The following GRM7 variants were observed in gnomAD, a reference collection of about 807,000 sequenced individuals.
GRM7 encodes glutamate metabotropic receptor 7.
GRM7 carries 35 observed loss-of-function variants against 84.5 expected under a neutral mutation model. The observed-to-expected ratio is 0.41, with a 90% CI of 0.32 to 0.55. The LOEUF is 0.55. Ranked by LOEUF, GRM7 falls within the 20% of genes least tolerant of loss-of-function variation. GRM7 has a pLI of 0.19. For synonymous variants in GRM7, 487 were observed against 455.1 expected (o/e 1.07, Z -0.89); for missense variants, 1,003 against 1,194.6 (o/e 0.84, Z 2.36).
chr3:6,883,199 T>C (rs1695575351), intron 1 of GRM7, among the ~76,000 whole-genome samples: 1 of 152,212 alleles, frequency 6.6e-6, no homozygotes, highest in African/African-American at 2.4e-5. Flanking sequence ...ATTGACTGTT[T>C]GTATTTCTTC....
At chr3:7,333,358 CT>C (rs1701283425) in intron 4 of GRM7, among the ~76,000 whole-genome samples, 1 of 152,184 alleles carries the variant, frequency 6.6e-6, no homozygotes, top group African/African-American at 2.4e-5. Context: ...GGTAGCCCCA[CT>C]GTAGGGCTAG....
intron 4 of GRM7, among the ~76,000 whole-genome samples, chr3:7,347,053 C>A (rs1431316313): frequency 1.3e-5 from 2 of 152,010 alleles, no homozygotes; most frequent in Non-Finnish European, 1.5e-5. Context: ...GAACATCCAC[C>A]AGGAAAAAAA....
chr3:7,738,734 TTTTTC>T (rs75859785), intron 9 of GRM7, among the ~76,000 whole-genome samples: 1 of 140,972 alleles, frequency 7.1e-6, no homozygotes, highest in Non-Finnish European at 1.5e-5. Context: ...TTTTTTTTTT[TTTTTC>T]CCCTTCTTTT....
At chr3:7,649,170 C>T (rs572121033) in intron 8 of GRM7, among the ~76,000 whole-genome samples, 21 of 151,942 alleles carry the variant, frequency 1.4e-4, no homozygotes, top group East Asian at 7.8e-4. Flanking sequence ...CCCGGGTTCA[C>T]GCCATTCTCC....
At chr3:7,142,650 C>CCCATATGA (rs1304330051) in intron 1 of GRM7, among the ~76,000 whole-genome samples, 1 of 151,990 alleles carries the variant, frequency 6.6e-6, no homozygotes, top group Non-Finnish European at 1.5e-5. Flanking sequence ...GATACAAAGC[C>CCCATATGA]TAACCATATC....
intron 7 of GRM7, among the ~76,000 whole-genome samples, chr3:7,554,353 C>A (rs531400850): frequency 6.6e-6 from 1 of 152,248 alleles, no homozygotes; most frequent in African/African-American, 2.4e-5. Flanking sequence ...AATCATGTAA[C>A]AAATATCGCT....
chr3:7,201,885 T>C (rs1475426063), intron 2 of GRM7, among the ~76,000 whole-genome samples: 2 of 152,228 alleles, frequency 1.3e-5, no homozygotes, highest in Admixed American at 6.5e-5. Flanking sequence ...GAGTGCCCTC[T>C]TTATATAATG....
intron 4 of GRM7, among the ~76,000 whole-genome samples, chr3:7,396,370 C>T (rs962281155): frequency 6.6e-6 from 1 of 152,078 alleles, no homozygotes; most frequent in Non-Finnish European, 1.5e-5. Context: ...AACTCCCTTC[C>T]TATTTTATTT....
At chr3:7,696,266 T>C (rs143749543) in intron 9 of GRM7, among the ~76,000 whole-genome samples, 13 of 152,292 alleles carry the variant, frequency 8.5e-5, no homozygotes, top group South Asian at 4.1e-4. Flanking sequence ...CTAACAAAAA[T>C]AGTTTGCCAG....
At chr3:7,116,219 C>T (rs1252124298) in intron 1 of GRM7, among the ~76,000 whole-genome samples, 2 of 152,022 alleles carry the variant, frequency 1.3e-5, no homozygotes, top group African/African-American at 4.8e-5. Context: ...GCTTAGTGAC[C>T]ACAGAAACAA....
At chr3:7,425,400 G>C (rs1035871663) in intron 5 of GRM7, among the ~76,000 whole-genome samples, 1 of 152,168 alleles carries the variant, frequency 6.6e-6, no homozygotes, top group Non-Finnish European at 1.5e-5. Flanking sequence ...TTACACAAGA[G>C]GGAATTGTAG....
At chr3:7,189,551 A>C (rs1695637287) in intron 2 of GRM7, among the ~76,000 whole-genome samples, 1 of 152,140 alleles carries the variant, frequency 6.6e-6, no homozygotes, top group South Asian at 2.1e-4. Context: ...ATGCTCTTAA[A>C]ATATTCTGAG....
chr3:7,470,161 C>T (rs905395733), intron 7 of GRM7, among the ~76,000 whole-genome samples: 2 of 152,166 alleles, frequency 1.3e-5, no homozygotes, highest in Non-Finnish European at 2.9e-5. Flanking sequence ...TTATTTCATT[C>T]ACCTAATCTA....
chr3:7,196,118 T>C (rs1418120285), intron 2 of GRM7, among the ~76,000 whole-genome samples: 1 of 152,052 alleles, frequency 6.6e-6, no homozygotes, highest in Non-Finnish European at 1.5e-5. Flanking sequence ...AGTTCAAACC[T>C]GCTGAGTGGG....
intron 1 of GRM7, among the ~76,000 whole-genome samples, chr3:7,110,130 A>G (rs1322253733): frequency 2.6e-5 from 4 of 152,072 alleles, no homozygotes; most frequent in Admixed American, 2.6e-4. Context: ...ACTTCAATCT[A>G]CCTACTATGG....
intron 2 of GRM7, among the ~76,000 whole-genome samples, chr3:7,245,309 G>A (rs1004330637): frequency 4.6e-5 from 7 of 151,898 alleles, no homozygotes; most frequent in African/African-American, 1.7e-4. Flanking sequence ...GAAGCCAAAC[G>A]AATCTCAGGC....
chr3:7,019,375 T>C (rs1252784854), intron 1 of GRM7, among the ~76,000 whole-genome samples: 1 of 152,178 alleles, frequency 6.6e-6, no homozygotes. Flanking sequence ...AAATGCATGA[T>C]GTCGTGTCCG....
At position 7,444,153 on chromosome 3, in the gene GRM7, A is replaced by C. The variant is rs1171259727; in HGVS notation, c.1175-8454A>C. ...GCATTTGTGAATAAACAGATTCATGAATGTCCTGAAAGTTCAACCTGAATA... is the reference window on the plus strand; with the variant it reads ...GCATTTGTGAATAAACAGATTCATGCATGTCCTGAAAGTTCAACCTGAATA... On this transcript the variant is annotated intron_variant, in intron 5 of 9. Transcript: ENST00000357716. Among the ~76,000 whole-genome samples, 6 of 152,318 alleles carry C rather than the reference A, an allele frequency of 3.9e-5. No homozygotes were observed. The East Asian group carries it at 5.8e-4, about 15-fold the overall frequency.
chr3:7,608,076 G>A (rs979157613), intron 8 of GRM7: 11 of 359,724 alleles, frequency 3.1e-5, no homozygotes, highest in Non-Finnish European at 5.8e-5. Context: ...GCTTTTTTAT[G>A]GCTGTACAGT....
Sources: allele counts gnomAD v4.1 joint callset (sites outside exome capture counted in the v4.1 genomes callset), GRCh38; gene constraint gnomAD v4.1.1; transcripts MANE v1.5; gene names NCBI Gene and HGNC (gene_info 2026-07-23, HGNC 2026-07-21).